Variants in CDH13 observed in about 807,000 individuals in gnomAD.
The protein encoded by CDH13 is cadherin-13.
In CDH13, 24 loss-of-function variants were observed where a neutral mutation model predicts 63.8. The ratio of observed to expected loss-of-function variants is 0.38; its 90% confidence interval spans 0.27 to 0.53. The LOEUF is 0.53. Ranked by LOEUF, CDH13 falls within the 20% of genes least tolerant of loss-of-function variation. The pLI, the probability that CDH13 is intolerant of heterozygous loss-of-function variation, is 0.85. For synonymous variants in CDH13, 503 were observed against 355.3 expected, an observed-to-expected ratio of 1.42 and a Z score of -4.67; for missense variants, 1,049 against 903.1, an observed-to-expected ratio of 1.16 and a Z score of -2.07.
intron 6 of CDH13, among the ~76,000 whole-genome samples, chr16:83,480,948 C>G (rs568251738): frequency 6.6e-6 from 1 of 152,340 alleles, no homozygotes; most frequent in East Asian, 1.9e-4. Context: ...GGCAAACACA[C>G]AAGTAACGTT....
At chr16:83,311,666 G>A (rs976648528) in intron 5 of CDH13, among the ~76,000 whole-genome samples, 2 of 152,206 alleles carry the variant, frequency 1.3e-5, no homozygotes, top group African/African-American at 4.8e-5. Flanking sequence ...TAGCATAGGA[G>A]GTTGAACCCA....
intron 1 of CDH13, among the ~76,000 whole-genome samples, chr16:82,781,453 C>A (rs566654119): frequency 6.6e-6 from 1 of 152,046 alleles, no homozygotes; most frequent in South Asian, 2.1e-4. Flanking sequence ...AGGTCATTCT[C>A]CATCCATTTG....
At chr16:83,060,364 A>G (rs1264059725) in intron 3 of CDH13, among the ~76,000 whole-genome samples, 1 of 152,172 alleles carries the variant, frequency 6.6e-6, no homozygotes, top group Non-Finnish European at 1.5e-5. Flanking sequence ...GCATTTTTGT[A>G]TAGGAACAAA....
intron 5 of CDH13, among the ~76,000 whole-genome samples, chr16:83,295,404 G>A (rs993316550): frequency 2.6e-5 from 4 of 151,872 alleles, no homozygotes; most frequent in African/African-American, 9.7e-5. Flanking sequence ...CTTCTGCACA[G>A]CAAATGAAAC....
At chr16:82,804,613 C>G (rs2037052843) in intron 1 of CDH13, among the ~76,000 whole-genome samples, 1 of 152,112 alleles carries the variant, frequency 6.6e-6, no homozygotes, top group Non-Finnish European at 1.5e-5. Context: ...TAATATATGC[C>G]TTATCACATC....
At chr16:83,670,683 A>G (rs1567502794) in intron 8 of CDH13, 107 bp from the exon 9 acceptor site, 1 of 971,218 alleles carries the variant, frequency 1.0e-6, no homozygotes, top group Non-Finnish European at 1.6e-6. Flanking sequence ...TTATGTTATT[A>G]TTTATTTTTA....
chr16:83,171,867 T>C (rs2037934276), intron 4 of CDH13, among the ~76,000 whole-genome samples: 1 of 152,184 alleles, frequency 6.6e-6, no homozygotes, highest in Non-Finnish European at 1.5e-5. Context: ...TACCTTGCCA[T>C]TTTATAATGC....
rs115983505 is a variant in CDH13 at position 83,119,754 on chromosome 16, C to G, written c.367-5631C>G. Among the ~76,000 whole-genome samples, 532 of 152,238 alleles carry G rather than the reference C, an allele frequency of 3.5e-3. 2 individuals carry two copies. Among genetic ancestry groups the G allele is most frequent in the African/African-American group, 0.012 (500 of 41,530 alleles). On this transcript the variant is annotated intron_variant, in intron 3 of 13. Coordinates refer to ENST00000567109, the MANE Select transcript of CDH13 (RefSeq NM_001257.5). ...CGAAGCAGGGTATATGGATGTCAGT[C>G]AAATCATGTATGATGGTTCTTACAC...
intron 1 of CDH13, among the ~76,000 whole-genome samples, chr16:82,846,573 A>C (rs911078926): frequency 9.2e-5 from 14 of 152,166 alleles, no homozygotes; most frequent in African/African-American, 3.4e-4. Context: ...AACTAACTGG[A>C]AAAATTGAGA....
At position 83,047,961 on chromosome 16, in the gene CDH13, C is replaced by T. The variant is rs941763640; in HGVS notation, c.366+15743C>T. 6.6e-6 allele frequency among the ~76,000 whole-genome samples: 1 copy of T among 152,090 alleles called. No individual in the cohort carries two copies. The highest frequency in any genetic ancestry group is 2.4e-5 in the African/African-American group (1 of 41,414). On this transcript the variant is annotated intron_variant, in intron 3 of 13. Transcript: ENST00000567109. The surrounding 1 kb of genome is among the most constrained non-coding windows in gnomAD (Gnocchi z 4.9). ...AGAATATTTTGGAGACATATTTTTG[C>T]ACTCAGACTCCTCAAAAAAACATTT...
intron 6 of CDH13, among the ~76,000 whole-genome samples, chr16:83,486,208 G>A (rs890790711): frequency 6.6e-6 from 1 of 152,118 alleles, no homozygotes; most frequent in Non-Finnish European, 1.5e-5. Context: ...AAAATAAACA[G>A]TGTATCACCA....
At chr16:82,718,182 T>C (rs2032515492) in intron 1 of CDH13, among the ~76,000 whole-genome samples, 1 of 152,226 alleles carries the variant, frequency 6.6e-6, no homozygotes, top group Non-Finnish European at 1.5e-5. Context: ...CAGCTGGAGC[T>C]GAATCCCACT....
At chr16:82,635,181 A>G (rs1256605722) in intron 1 of CDH13, among the ~76,000 whole-genome samples, 1 of 152,234 alleles carries the variant, frequency 6.6e-6, no homozygotes, top group Admixed American at 6.5e-5. Flanking sequence ...CTATACTCCC[A>G]GGGCTTAGAA....
At chr16:83,747,761 G>A (rs1178106028) in intron 10 of CDH13, among the ~76,000 whole-genome samples, 8 of 147,586 alleles carry the variant, frequency 5.4e-5, no homozygotes, top group South Asian at 2.3e-4. Context: ...GTCCACATAC[G>A]AGATACATCT....
intron 10 of CDH13, among the ~76,000 whole-genome samples, chr16:83,732,153 A>T (rs1403209852): frequency 6.6e-6 from 1 of 152,252 alleles, no homozygotes; most frequent in Non-Finnish European, 1.5e-5. Context: ...ACCGGCAATG[A>T]ACAAGCCAAT....
intron 11 of CDH13, among the ~76,000 whole-genome samples, chr16:83,752,287 G>C (rs1051065259): frequency 6.6e-6 from 1 of 152,206 alleles, no homozygotes; most frequent in East Asian, 1.9e-4. Flanking sequence ...TACTTGAATT[G>C]TTACCAGAAG....
At chr16:83,138,076 G>T (rs2036375169) in intron 4 of CDH13, among the ~76,000 whole-genome samples, 2 of 151,956 alleles carry the variant, frequency 1.3e-5, no homozygotes, top group Admixed American at 1.3e-4. Flanking sequence ...CTTGAATGTG[G>T]GTTTAATTGT....
intron 1 of CDH13, among the ~76,000 whole-genome samples, chr16:82,742,324 T>C (rs1597452505): frequency 6.6e-6 from 1 of 152,168 alleles, no homozygotes; most frequent in Non-Finnish European, 1.5e-5. Context: ...TTTTTTCTTT[T>C]TGCCTTTCTC....
chr16:83,493,264 A>C (rs980550328), intron 7 of CDH13, among the ~76,000 whole-genome samples: 1 of 152,236 alleles, frequency 6.6e-6, no homozygotes, highest in Non-Finnish European at 1.5e-5. Context: ...AGTTTCTCCT[A>C]CAGGACGTAC....
Sources: gnomAD v4.1 joint callset for allele counts (sites outside exome capture counted in the v4.1 genomes callset) on GRCh38, gnomAD v4.1.1 for gene constraint, Gnocchi (gnomAD v3.1) non-coding constraint, MANE v1.5 for transcripts, NCBI Gene and HGNC (gene_info 2026-07-23, HGNC 2026-07-21) for gene names.